Variants in GRB14 observed in about 807,000 individuals in gnomAD.
The protein encoded by GRB14 is growth factor receptor-bound protein 14.
GRB14 carries 38 observed loss-of-function variants against 69.1 expected under a neutral mutation model. The observed-to-expected ratio is 0.55, with a 90% CI of 0.42 to 0.72. The LOEUF (loss-of-function observed/expected upper bound fraction) is 0.72, where lower values mean the gene tolerates loss of function less well. GRB14 is among the 30% of genes least tolerant of loss of function. The pLI is 0.00. For synonymous variants in GRB14, 247 were observed against 241.3 expected (o/e 1.02, Z -0.22); for missense variants, 666 against 666.1 (o/e 1.00, Z 0.00).
At chr2:164,552,366 C>T (rs914210485) in intron 2 of GRB14, among the ~76,000 whole-genome samples, 4 of 152,158 alleles carry the variant, frequency 2.6e-5, no homozygotes, top group Non-Finnish European at 4.4e-5. Context: ...GAACTTTGTA[C>T]CACTTACAAA....
intron 2 of GRB14, among the ~76,000 whole-genome samples, chr2:164,557,158 A>T (rs563675766): frequency 5.3e-5 from 8 of 152,342 alleles, no homozygotes; most frequent in African/African-American, 1.9e-4. Context: ...ATGAGCAAAC[A>T]TACTGAGGAA....
intron 2 of GRB14, among the ~76,000 whole-genome samples, chr2:164,606,169 C>T (rs1690036200): frequency 6.6e-6 from 1 of 152,060 alleles, no homozygotes; most frequent in South Asian, 2.1e-4. Flanking sequence ...CCATATGGCC[C>T]TCCCACAATC....
chr2:164,564,238 C>T lies in GRB14; in HGVS notation c.325-16422G>A, dbSNP rs559663188. On this transcript the variant is annotated intron_variant, in intron 2 of 13. Transcript: ENST00000263915. The stretch of plus-strand genomic sequence containing the variant: ...GTGCAGATATACAGATTTTAAAAGC[C>T]GTTTGAAGCCCAAGGAGGCAAACGA... 5.3e-5 allele frequency among the ~76,000 whole-genome samples: 8 copies of T among 152,232 alleles called. No homozygotes were observed. In the South Asian group the frequency reaches 1.2e-3, roughly 24 times the overall value.
At chr2:164,614,245 A>T (rs1388525113) in intron 2 of GRB14, among the ~76,000 whole-genome samples, 1 of 152,210 alleles carries the variant, frequency 6.6e-6, no homozygotes, top group African/African-American at 2.4e-5. Flanking sequence ...CCCTAATAGG[A>T]GAGAGTATTG....
chr2:164,528,663 C>T (rs1687845132), intron 3 of GRB14, among the ~76,000 whole-genome samples: 1 of 151,664 alleles, frequency 6.6e-6, no homozygotes, highest in Non-Finnish European at 1.5e-5. Context: ...CCACTAGCTC[C>T]TTCTCCTCCT....
At chr2:164,609,884 G>A (rs1690126983) in intron 2 of GRB14, among the ~76,000 whole-genome samples, 1 of 152,096 alleles carries the variant, frequency 6.6e-6, no homozygotes, top group Non-Finnish European at 1.5e-5. Flanking sequence ...TTCAACACTG[G>A]TCAAAATCCT....
chr2:164,524,992 A>AATATATTTTTATTAAC lies in GRB14; in HGVS notation c.678+11_678+12insGTTAATAAAAATATAT. 2 of 1,475,412 alleles carry AATATATTTTTATTAAC rather than the reference A, an allele frequency of 1.4e-6. No individual in the cohort carries two copies. The highest frequency in any genetic ancestry group is 1.9e-6 in the Non-Finnish European group (2 of 1,073,106). 91.4% of individuals were successfully genotyped at this position (1,475,412 alleles called of 1,614,324 possible). On this transcript the variant is annotated intron_variant, in intron 5 of 13. Transcript: ENST00000263915. ...GCTATTATTTATATATGTTAATAAA[A>AATATATTTTTATTAAC]ATATATTTTACCTGCAAAATCTGTG... is the stretch of plus-strand genomic sequence containing the variant.
At position 164,532,577 on chromosome 2, in the gene GRB14, T is replaced by C. The variant is rs147341637; in HGVS notation, c.482-5442A>G. ...TCCTTTTAAGACAGAGGCAGGTGATTTAACACAGACAGAAGAGGAAAAGCA... is the reference window on the plus strand; with the variant it reads ...TCCTTTTAAGACAGAGGCAGGTGATCTAACACAGACAGAAGAGGAAAAGCA... On this transcript the variant is annotated intron_variant, in intron 3 of 13. Transcript: ENST00000263915. Among the ~76,000 whole-genome samples the C allele has an allele frequency of 4.5e-3, 687 of 152,178 alleles. 9 individuals are homozygous for C. The highest frequency in any genetic ancestry group is 0.031 in the Middle Eastern group (9 of 294).
At chr2:164,511,554 A>T (rs984902650) in intron 6 of GRB14, among the ~76,000 whole-genome samples, 1 of 152,138 alleles carries the variant, frequency 6.6e-6, no homozygotes, top group Non-Finnish European at 1.5e-5. Flanking sequence ...TCCTGGCAGG[A>T]TCCATCACCT....
intron 11 of GRB14, 23 bp from the exon 12 acceptor site, chr2:164,497,118 T>A (rs1408561086): frequency 6.2e-7 from 1 of 1,608,018 alleles, no homozygotes; most frequent in East Asian, 2.2e-5. Flanking sequence ...GATGGATGAA[T>A]GCAAAGCTTT....
At chr2:164,533,762 G>A (rs1175202792) in intron 3 of GRB14, among the ~76,000 whole-genome samples, 2 of 152,190 alleles carry the variant, frequency 1.3e-5, no homozygotes, top group Non-Finnish European at 2.9e-5. Flanking sequence ...AGCAGGTTCG[G>A]TGGCTCATGC....
intron 2 of GRB14, among the ~76,000 whole-genome samples, chr2:164,587,938 G>A (rs1056703027): frequency 5.3e-5 from 8 of 152,144 alleles, no homozygotes; most frequent in Non-Finnish European, 7.3e-5. Context: ...CAAAGGCAGT[G>A]TTTGCCATGA....
chr2:164,498,025 C>T (rs1171397362), intron 9 of GRB14, among the ~76,000 whole-genome samples: 2 of 152,158 alleles, frequency 1.3e-5, no homozygotes. Flanking sequence ...AGAAATAATA[C>T]TCATTATTTT....
chr2:164,554,410 A>C (rs1688625477), intron 2 of GRB14, among the ~76,000 whole-genome samples: 1 of 152,148 alleles, frequency 6.6e-6, no homozygotes, highest in Non-Finnish European at 1.5e-5. Context: ...ACAGGAAGAA[A>C]TTCTTCCTGG....
chr2:164,568,502 C>T, intron 2 of GRB14: 2 of 1,120,900 alleles, frequency 1.8e-6, no homozygotes, highest in Non-Finnish European at 2.2e-6. Context: ...TAATAAATGT[C>T]ACCCTGCTTA....
intron 2 of GRB14, among the ~76,000 whole-genome samples, chr2:164,582,621 A>G (rs1260910765): frequency 1.3e-5 from 2 of 151,978 alleles, no homozygotes; most frequent in African/African-American, 4.8e-5. Context: ...GGGTTTCGCC[A>G]TCTTGGCCAG....
intron 3 of GRB14, among the ~76,000 whole-genome samples, chr2:164,528,981 A>G (rs539508455): frequency 5.3e-5 from 8 of 152,312 alleles, no homozygotes; most frequent in African/African-American, 1.9e-4. Context: ...CATCATTCAC[A>G]ATAGCCAAAA....
Position 164,522,049 on chromosome 2 carries a change from C to T in GRB14, c.747G>A (p.Lys249=). ...GFLHAKEQGK[K]SWKKIYFFLR... ...GAAAAAAGTAAATTTTTTTCCAAGACTTCTTTCCCTGTTCTTTCGCATGTA... is the reference window on the plus strand; with the variant it reads ...GAAAAAAGTAAATTTTTTTCCAAGATTTCTTTCCCTGTTCTTTCGCATGTA... Residue 249 remains lysine, a synonymous_variant, in exon 6 of 14, where the codon AAG becomes AAA. Coordinates refer to ENST00000263915, the MANE Select transcript of GRB14 (RefSeq NM_004490.3). 1.2e-6 allele frequency: 2 copies of T among 1,602,760 alleles called. No individual in the cohort carries two copies. Among genetic ancestry groups the T allele is most frequent in the South Asian group, 1.1e-5 (1 of 90,348 alleles).
intron 3 of GRB14, among the ~76,000 whole-genome samples, chr2:164,535,276 CTCTT>C (rs752201099): frequency 1.3e-5 from 2 of 151,866 alleles, no homozygotes; most frequent in African/African-American, 2.4e-5. Context: ...TTTTCAGAAA[CTCTT>C]TCTTTAAAAA....
Sources: gnomAD v4.1 joint callset for allele counts (sites outside exome capture counted in the v4.1 genomes callset) on GRCh38, gnomAD v4.1.1 for gene constraint, MANE v1.5 for transcripts, NCBI Gene and HGNC (gene_info 2026-07-23, HGNC 2026-07-21) for gene names.